PCDH12: variants seen among roughly 807,000 people sequenced by gnomAD.
PCDH12 encodes protocadherin 12.
Under a neutral mutation model 70.9 loss-of-function variants are expected in PCDH12, and 45 were observed. That is an observed-to-expected ratio of 0.63 (90% CI 0.50 to 0.81). The LOEUF is 0.81. PCDH12 is among the 40% of genes least tolerant of loss of function. The pLI, the probability that PCDH12 is intolerant of heterozygous loss-of-function variation, is 0.00. For synonymous variants in PCDH12, 567 were observed against 626.0 expected, an observed-to-expected ratio of 0.91 and a Z score of 1.41; for missense variants, 1,370 against 1,491.7, an observed-to-expected ratio of 0.92 and a Z score of 1.34.
At chr5:141,947,615 T>G (rs911556210) in intron 3 of PCDH12, among the ~76,000 whole-genome samples, 3 of 152,240 alleles carry the variant, frequency 2.0e-5, no homozygotes, top group African/African-American at 7.2e-5. Context: ...AGCTCCCGTT[T>G]CCTCTTAGGA....
At chr5:141,954,245 C>T (rs1256153293) in intron 1 of PCDH12, among the ~76,000 whole-genome samples, 4 of 152,190 alleles carry the variant, frequency 2.6e-5, no homozygotes, top group Admixed American at 6.5e-5. Flanking sequence ...CTGCCCCATC[C>T]GCAGGCCCAG....
chr5:141,947,641 G>C (rs1752971946), intron 3 of PCDH12, among the ~76,000 whole-genome samples: 1 of 152,236 alleles, frequency 6.6e-6, no homozygotes, highest in East Asian at 1.9e-4. Flanking sequence ...TGAGACAGTA[G>C]TACGTATCTT....
chr5:141,957,158 C>T lies in PCDH12; in HGVS notation c.694G>A (p.Val232Ile). The change falls in exon 1 of 4, where the codon GTC (valine) becomes ATC (isoleucine). Residue 232 changes from valine to isoleucine, a missense_variant. Coordinates refer to ENST00000231484, the MANE Select transcript of PCDH12 (RefSeq NM_016580.4). This position sits in a 1 kb window ranked among gnomAD's most constrained non-coding sequence, Gnocchi z 4.3. ...TTGTCATTGGAGTCCAAGACGTTGA[C>T]CTTGACCAAGCTGGTACCTGACTTG... The part of the protein sequence containing the change: ...PPKSGTSLVK[V>I]NVLDSNDNSP... 17 of 1,614,200 alleles carry T rather than the reference C, an allele frequency of 1.1e-5. No homozygotes were observed. Among genetic ancestry groups the T allele is most frequent in the Non-Finnish European group, 1.2e-5 (14 of 1,180,020 alleles).
chr5:141,950,501 C>T (rs1753057567), intron 2 of PCDH12, among the ~76,000 whole-genome samples: 1 of 152,148 alleles, frequency 6.6e-6, no homozygotes, highest in African/African-American at 2.4e-5. Flanking sequence ...ACCTTCCACA[C>T]CTGTAAGGGG....
At chr5:141,951,652 G>T in intron 1 of PCDH12, 62 bp from the exon 2 acceptor site, 2 of 1,213,376 alleles carry the variant, frequency 1.6e-6, no homozygotes, top group Non-Finnish European at 2.5e-6. Context: ...TTCCTCGCCG[G>T]ATGTTTCCCT....
In PCDH12 at chr5:141,945,127, G is replaced by T; in HGVS notation, c.*254C>A. 1.9e-6 allele frequency: 1 copy of T among 539,422 alleles called. No homozygotes were observed. The highest frequency in any genetic ancestry group is 3.3e-6 in the Non-Finnish European group (1 of 303,754). 33.4% of individuals were successfully genotyped at this position (539,422 alleles called of 1,614,324 possible). A position where few individuals can be genotyped will look rare whatever the true frequency, so the allele number is the denominator to read the frequency against. The stretch of plus-strand genomic sequence containing the variant: ...GACTGACCCTTTGTGCTCCACATAT[G>T]TTTTGCCAGGAAACACTTATCTCAG... On this transcript the variant is annotated 3_prime_UTR_variant, in exon 4 of 4. Coordinates refer to ENST00000231484, the MANE Select transcript of PCDH12 (RefSeq NM_016580.4).
In PCDH12 at chr5:141,945,408, GCCT is replaced by G. The variant is rs776917436; in HGVS notation, c.3525_3527del (p.Arg1175_Gly1176delinsSer). On this transcript the variant is annotated inframe_deletion, in exon 4 of 4. Coordinates refer to ENST00000231484, the MANE Select transcript of PCDH12 (RefSeq NM_016580.4). ...ACAGGCACCTGCTGCTGCTGCTGCT[GCCT>G]CTGCTCTTGCCCTCAGTCCCCGTCT... is the stretch of plus-strand genomic sequence containing the variant. 5.0e-6 allele frequency: 8 copies of G among 1,613,020 alleles called. No individual in the cohort carries two copies. In the Admixed American group the frequency reaches 5.0e-5, roughly 10 times the overall value.
Position 141,944,702 on chromosome 5 carries a change from C to T in PCDH12, c.*679G>A, listed in dbSNP as rs1194932404. On this transcript the variant is annotated 3_prime_UTR_variant, in exon 4 of 4. Coordinates refer to ENST00000231484, the MANE Select transcript of PCDH12 (RefSeq NM_016580.4). ...TTAAATCCTATTGTAAAGCCTGGTGCCTGGCTCATGTAAATGCTTTATAAA... is the reference window on the plus strand; with the variant it reads ...TTAAATCCTATTGTAAAGCCTGGTGTCTGGCTCATGTAAATGCTTTATAAA... The T allele has an allele frequency of 6.6e-6, 1 of 152,220 alleles. No individual in the cohort carries two copies. Among genetic ancestry groups the T allele is most frequent in the Non-Finnish European group, 1.5e-5 (1 of 68,058 alleles). 9.4% of individuals were successfully genotyped at this position (152,220 alleles called of 1,614,324 possible).
rs553003284 is a variant in PCDH12 at position 141,946,177 on chromosome 5, C to T, written c.3131-372G>A. ...AGGGCGCCTTCTCCCCTCAGGGCTCCACTAGCTGAGGATGGAGGGAAAATC... is the reference window on the plus strand; with the variant it reads ...AGGGCGCCTTCTCCCCTCAGGGCTCTACTAGCTGAGGATGGAGGGAAAATC... On this transcript the variant is annotated intron_variant, in intron 3 of 3. Transcript: ENST00000231484. Among the ~76,000 whole-genome samples the T allele has an allele frequency of 2.0e-5, 3 of 152,270 alleles. No homozygotes were observed. The South Asian group carries it at 6.2e-4, about 32-fold the overall frequency.
rs776363111 is a variant in PCDH12 at position 141,955,167 on chromosome 5, G to A, written c.2685C>T (p.Gly895=). 2.5e-6 allele frequency: 4 copies of A among 1,614,218 alleles called. No individual in the cohort carries two copies. Among genetic ancestry groups the A allele is most frequent in the Non-Finnish European group, 3.4e-6 (4 of 1,180,044 alleles). The part of the protein sequence containing the change: ...SPTGRLAGDQ[G]SEEAPQRPPA... ...GTGGCCTCTGTGGGGCTTCCTCACT[G>A]CCCTGGTCTCCAGCCAGCCTCCCTG... Residue 895 remains glycine (G), a synonymous_variant, in exon 1 of 4, where the codon GGC becomes GGT. Coordinates refer to ENST00000231484, the MANE Select transcript of PCDH12 (RefSeq NM_016580.4). This position sits in a 1 kb window ranked among gnomAD's most constrained non-coding sequence, Gnocchi z 5.5.
Position 141,956,969 on chromosome 5 carries a change from A to G in PCDH12, c.883T>C (p.Phe295Leu), listed in dbSNP as rs774515731. The G allele has an allele frequency of 4.3e-6, 7 of 1,614,046 alleles. No individual in the cohort carries two copies. In the Admixed American group the frequency reaches 1.2e-4, roughly 27 times the overall value. ...TGGCCTGTCTTGGCATCAATACTGA[A>G]GGTGTCCAGCACCTCTGGAGGCATG... ...KHMPPEVLDTFSIDAKTGQVI... is the reference protein window; with the variant it reads ...KHMPPEVLDTLSIDAKTGQVI... The change falls in exon 1 of 4, where the codon TTC (phenylalanine) becomes CTC (leucine). Residue 295 changes from phenylalanine to leucine, a missense_variant. Coordinates refer to ENST00000231484, the MANE Select transcript of PCDH12 (RefSeq NM_016580.4).
chr5:141,955,481 C>A lies in PCDH12; in HGVS notation c.2371G>T (p.Val791Phe). 6.2e-7 allele frequency: 1 copy of A among 1,614,162 alleles called. No homozygotes were observed. Among genetic ancestry groups the A allele is most frequent in the Non-Finnish European group, 8.5e-7 (1 of 1,180,014 alleles). The change falls in exon 1 of 4, where the codon GTC becomes TTC. Residue 791 changes from valine to phenylalanine, a missense_variant. Val to Phe is a conservative substitution (Grantham distance 50, BLOSUM62 -1). Coordinates refer to ENST00000231484, the MANE Select transcript of PCDH12 (RefSeq NM_016580.4). The surrounding 1 kb of genome is among the most constrained non-coding windows in gnomAD (Gnocchi z 5.5). ...LRGQAGEPCEVGQSHKDVDKE... is the reference protein window; with the variant it reads ...LRGQAGEPCEFGQSHKDVDKE... ...TCCACATCTTTGTGGGACTGCCCGA[C>A]TTCACAAGGCTCACCTGCCTGACCC... is the stretch of plus-strand genomic sequence containing the variant.
At position 141,958,044 on chromosome 5, in the gene PCDH12, G is replaced by A. The variant is rs975812970; in HGVS notation, c.-193C>T. 5 of 636,794 alleles carry A rather than the reference G, an allele frequency of 7.9e-6. No individual in the cohort carries two copies. Among genetic ancestry groups the A allele is most frequent in the East Asian group, 2.8e-5 (1 of 35,668 alleles). The allele number at this position is 636,794 out of a possible 1,614,324, so 39.4% of individuals were successfully genotyped here. A position where few individuals can be genotyped will look rare whatever the true frequency, so the allele number is the denominator to read the frequency against. ...AGGCAAGGCCATCTTCATTGGAAGCGATCTGAGATGTCCAAACGCCGATCA... is the reference window on the plus strand; with the variant it reads ...AGGCAAGGCCATCTTCATTGGAAGCAATCTGAGATGTCCAAACGCCGATCA... On this transcript the variant is annotated 5_prime_UTR_variant, in exon 1 of 4. Coordinates refer to ENST00000231484, the MANE Select transcript of PCDH12 (RefSeq NM_016580.4).
At chr5:141,946,149 C>G (rs1390597579) in intron 3 of PCDH12, among the ~76,000 whole-genome samples, 1 of 152,144 alleles carries the variant, frequency 6.6e-6, no homozygotes, top group African/African-American at 2.4e-5. Context: ...ATTTTTACCC[C>G]TCAGGGCGCC....
rs374167629 is a variant in PCDH12 at position 141,956,495 on chromosome 5, T to C, written c.1357A>G (p.Ile453Val). 1 of 1,614,140 alleles carries C rather than the reference T, an allele frequency of 6.2e-7. No individual in the cohort carries two copies. Among genetic ancestry groups the C allele is most frequent in the Non-Finnish European group, 8.5e-7 (1 of 1,180,052 alleles). Reference protein sequence around the residue: ...KKQLSIQISDINDNAPVFEKS... With the variant: ...KKQLSIQISDVNDNAPVFEKS... ...TCAAACACAGGTGCATTGTCGTTGA[T>C]GTCACTGATCTGAATGCTGAGCTGT... is the stretch of plus-strand genomic sequence containing the variant. The change falls in exon 1 of 4, where the codon ATC becomes GTC. Residue 453 changes from isoleucine (I) to valine (V), a missense_variant. By Grantham distance (29) the Ile-to-Val change is conservative. Transcript: ENST00000231484.
chr5:141,945,340 C>A lies in PCDH12; in HGVS notation c.*41G>T. 6.4e-7 allele frequency: 1 copy of A among 1,556,580 alleles called. No individual in the cohort carries two copies. Among genetic ancestry groups the A allele is most frequent in the South Asian group, 1.2e-5 (1 of 82,050 alleles). ...AAACCAGCTCTTGTCCACAGATCCT[C>A]AGGCCCCTGGTTCTTGGATCCAGAG... On this transcript the variant is annotated 3_prime_UTR_variant, in exon 4 of 4. Coordinates refer to ENST00000231484, the MANE Select transcript of PCDH12 (RefSeq NM_016580.4).
chr5:141,953,286 T>C (rs1356990963), intron 1 of PCDH12: 3 of 152,136 alleles, frequency 2.0e-5, no homozygotes, highest in African/African-American at 7.2e-5. Context: ...TCCTCAACAG[T>C]AAAAAAAGTG....
rs761115978 is a variant in PCDH12 at position 141,955,922 on chromosome 5, C to T, written c.1930G>A (p.Ala644Thr). Residue 644 changes from alanine (A) to threonine (T), a missense_variant, in exon 1 of 4, where the codon GCC becomes ACC. Transcript: ENST00000231484. This position sits in a 1 kb window ranked among gnomAD's most constrained non-coding sequence, Gnocchi z 5.5. The part of the protein sequence containing the change: ...PLYSIRSGNE[A>T]HLFILNPHTG... Reference sequence around the variant, plus strand: ...TGAGGGTTGAGGATGAAGAGGTGGGCTTCATTTCCACTGCGGATGCTGTAG... The same window carrying T: ...TGAGGGTTGAGGATGAAGAGGTGGGTTTCATTTCCACTGCGGATGCTGTAG... The T allele has an allele frequency of 1.9e-6, 3 of 1,614,182 alleles. No homozygotes were observed. Among genetic ancestry groups the T allele is most frequent in the Non-Finnish European group, 1.7e-6 (2 of 1,180,024 alleles).
rs563608960 is a variant in PCDH12, at chr5:141,957,451, C to G, written c.401G>C (p.Arg134Pro). ...CAGCTCCTGCTCGCCTTTGGGAAAC[C>G]GTGGCTGGTGGTCATTGATGTCCAG... ...QVLDINDHQPRFPKGEQELEI... is the reference protein window; with the variant it reads ...QVLDINDHQPPFPKGEQELEI... The change falls in exon 1 of 4, where the codon CGG becomes CCG. Residue 134 changes from arginine to proline, a missense_variant. Physicochemically the swap from Arg to Pro is moderately radical, Grantham distance 103. Coordinates refer to ENST00000231484, the MANE Select transcript of PCDH12 (RefSeq NM_016580.4). The surrounding 1 kb of genome is among the most constrained non-coding windows in gnomAD (Gnocchi z 4.3). The G allele has an allele frequency of 6.2e-7, 1 of 1,612,094 alleles. No homozygotes were observed. The highest frequency in any genetic ancestry group is 8.5e-7 in the Non-Finnish European group (1 of 1,179,088).
Sources: gnomAD v4.1 joint callset for allele counts (sites outside exome capture counted in the v4.1 genomes callset) on GRCh38, gnomAD v4.1.1 for gene constraint, Gnocchi (gnomAD v3.1) non-coding constraint, MANE v1.5 for transcripts, NCBI Gene and HGNC (gene_info 2026-07-23, HGNC 2026-07-21) for gene names.